CHRM3: variants seen among roughly 807,000 people sequenced by gnomAD.
CHRM3 encodes muscarinic acetylcholine receptor M3.
In CHRM3, 11 loss-of-function variants were observed where a neutral mutation model predicts 41.8. The observed-to-expected ratio is 0.26, with a 90% CI of 0.17 to 0.44. The LOEUF (loss-of-function observed/expected upper bound fraction) is 0.44. CHRM3 is among the 20% of genes least tolerant of loss of function. The pLI, the probability that CHRM3 is intolerant of heterozygous loss-of-function variation, is 1.00. For missense variants in CHRM3, 571 were observed against 745.4 expected (o/e 0.77, Z 2.72); for synonymous variants, 297 against 301.4 (o/e 0.99, Z 0.15).
intron 6 of CHRM3, among the ~76,000 whole-genome samples, chr1:239,889,660 A>T (rs1358843818): frequency 6.6e-6 from 1 of 152,106 alleles, no homozygotes; most frequent in Non-Finnish European, 1.5e-5. Context: ...TATCACATTC[A>T]CTTTATCAGT....
At chr1:239,783,830 A>G (rs1239626086) in intron 5 of CHRM3, among the ~76,000 whole-genome samples, 1 of 152,032 alleles carries the variant, frequency 6.6e-6, no homozygotes, top group Non-Finnish European at 1.5e-5. Context: ...ACGGTACTTG[A>G]TAGGTAGTTT....
chr1:239,438,054 T>A (rs1002836968), intron 1 of CHRM3, among the ~76,000 whole-genome samples: 1 of 152,164 alleles, frequency 6.6e-6, no homozygotes, highest in Non-Finnish European at 1.5e-5. Context: ...CCACAGACTC[T>A]AAAGCTCAGC....
At chr1:239,703,227 A>C (rs1206565007) in intron 5 of CHRM3, 2 of 152,184 alleles carry the variant, frequency 1.3e-5, no homozygotes, top group African/African-American at 4.8e-5. Context: ...AGTTGTCTGG[A>C]GATTGCATGT....
chr1:239,416,746 G>A (rs1661532362), intron 1 of CHRM3, among the ~76,000 whole-genome samples: 1 of 152,148 alleles, frequency 6.6e-6, no homozygotes, highest in Non-Finnish European at 1.5e-5. Context: ...CTTCTCTCCA[G>A]TAGATTAGAA....
chr1:239,419,526 A>G (rs777047253), intron 1 of CHRM3, among the ~76,000 whole-genome samples: 3 of 152,186 alleles, frequency 2.0e-5, no homozygotes, highest in Non-Finnish European at 2.9e-5. Context: ...ATTTGATGTC[A>G]GGAAGTCACA....
At chr1:239,576,074 C>A (rs1183868538) in intron 3 of CHRM3, among the ~76,000 whole-genome samples, 3 of 152,066 alleles carry the variant, frequency 2.0e-5, no homozygotes, top group Non-Finnish European at 2.9e-5. Context: ...TAGTATTTGG[C>A]CTTTTGCAGC....
At chr1:239,656,333 A>G (rs1368875895) in intron 4 of CHRM3, among the ~76,000 whole-genome samples, 2 of 151,462 alleles carry the variant, frequency 1.3e-5, no homozygotes, top group Admixed American at 1.3e-4. Context: ...TTTTTTTTTA[A>G]AAAAAGGGTT....
At chr1:239,484,243 T>C (rs1667046215) in intron 1 of CHRM3, among the ~76,000 whole-genome samples, 2 of 152,050 alleles carry the variant, frequency 1.3e-5, no homozygotes, top group Admixed American at 1.3e-4. Flanking sequence ...ACAGTCATGA[T>C]GGAAGGTGAA....
intron 3 of CHRM3, among the ~76,000 whole-genome samples, chr1:239,590,354 C>T (rs1056482144): frequency 1.3e-5 from 2 of 152,138 alleles, no homozygotes; most frequent in African/African-American, 4.8e-5. Context: ...AGATATGATT[C>T]ATGTCCTTAG....
chr1:239,395,341 C>G (rs1185418860), intron 1 of CHRM3, among the ~76,000 whole-genome samples: 2 of 152,108 alleles, frequency 1.3e-5, no homozygotes, highest in African/African-American at 4.8e-5. Flanking sequence ...CTGGATAGCA[C>G]AGCCTTCCCC....
intron 3 of CHRM3, among the ~76,000 whole-genome samples, chr1:239,606,521 G>A (rs571225407): frequency 6.6e-5 from 10 of 152,080 alleles, no homozygotes; most frequent in Admixed American, 2.6e-4. Flanking sequence ...GGATCTGCCC[G>A]CCTTGGCCTC....
chr1:239,560,720 A>C (rs1386247413), intron 3 of CHRM3, among the ~76,000 whole-genome samples: 1 of 152,044 alleles, frequency 6.6e-6, no homozygotes, highest in Non-Finnish European at 1.5e-5. Flanking sequence ...TGGCATGTAA[A>C]TCTTTGACTG....
intron 1 of CHRM3, among the ~76,000 whole-genome samples, chr1:239,397,952 A>C (rs1659637935): frequency 6.6e-6 from 1 of 151,936 alleles, no homozygotes; most frequent in Non-Finnish European, 1.5e-5. Context: ...GTAAACATCA[A>C]TATTCCCTTT....
intron 6 of CHRM3, among the ~76,000 whole-genome samples, chr1:239,846,359 G>C (rs969054658): frequency 1.3e-5 from 2 of 152,088 alleles, no homozygotes; most frequent in Non-Finnish European, 2.9e-5. Context: ...CTCCTAGTAG[G>C]CATCTACTAA....
At chr1:239,813,611 A>G (rs935864829) in intron 5 of CHRM3, among the ~76,000 whole-genome samples, 14 of 152,104 alleles carry the variant, frequency 9.2e-5, no homozygotes, top group African/African-American at 3.4e-4. Flanking sequence ...AAAGTGAAGT[A>G]ACAGAAACCA....
At chr1:239,508,423 T>A (rs969687456) in intron 2 of CHRM3, among the ~76,000 whole-genome samples, 6 of 152,236 alleles carry the variant, frequency 3.9e-5, no homozygotes, top group Non-Finnish European at 4.4e-5. Context: ...TTCATTGAAC[T>A]ACATCACTAG....
intron 5 of CHRM3, chr1:239,714,040 C>A (rs746146843): frequency 6.6e-6 from 1 of 152,136 alleles, no homozygotes; most frequent in Non-Finnish European, 1.5e-5. Context: ...TAGAAGATGT[C>A]TCTCAAGGCC....
chr1:239,664,254 G>A (rs773383342), intron 4 of CHRM3, among the ~76,000 whole-genome samples: 34 of 152,166 alleles, frequency 2.2e-4, no homozygotes, highest in Non-Finnish European at 5.0e-4. Flanking sequence ...CCAGCTCTAT[G>A]AGTGCATGTG....
At chr1:239,548,695 G>C (rs1659521847) in intron 3 of CHRM3, among the ~76,000 whole-genome samples, 1 of 152,158 alleles carries the variant, frequency 6.6e-6, no homozygotes, top group South Asian at 2.1e-4. Flanking sequence ...CTGTGTTGCT[G>C]TCCCTTTGTG....
Sources: gnomAD v4.1 joint callset for allele counts (sites outside exome capture counted in the v4.1 genomes callset) on GRCh38, gnomAD v4.1.1 for gene constraint, MANE v1.5 for transcripts, NCBI Gene and HGNC (gene_info 2026-07-23, HGNC 2026-07-21) for gene names.